The following BCAR1 variants were observed in gnomAD, a reference collection of about 807,000 sequenced individuals.
BCAR1 encodes BCAR1 scaffold protein, Cas family member, also known as breast cancer anti-estrogen resistance protein 1.
BCAR1 carries 30 observed loss-of-function variants against 67.6 expected under a neutral mutation model. That is an observed-to-expected ratio of 0.44 (90% CI 0.33 to 0.60). The LOEUF (loss-of-function observed/expected upper bound fraction) is 0.60. Among genes scored for constraint, BCAR1 ranks in the 20% least tolerant of loss-of-function variants. The pLI, the probability that BCAR1 is intolerant of heterozygous loss-of-function variation, is 0.02. For synonymous variants in BCAR1, 626 were observed against 556.7 expected, an observed-to-expected ratio of 1.12 and a Z score of -1.75; for missense variants, 1,313 against 1,222.3, an observed-to-expected ratio of 1.07 and a Z score of -1.11.
At chr16:75,256,529 C>T (rs886779541), upstream of BCAR1, among the ~76,000 whole-genome samples, 7 of 151,958 alleles carry the variant, frequency 4.6e-5, no homozygotes, top group African/African-American at 1.7e-4. Context: ...GGGGGTGGGG[C>T]CTCCCTGCAC....
At chr16:75,246,388 C>T (rs1301181957) in intron 1 of BCAR1, 3 of 152,234 alleles carry the variant, frequency 2.0e-5, no homozygotes, top group African/African-American at 7.2e-5. Flanking sequence ...TGTAGTGGGA[C>T]AGAAAGACAC....
intron 2 of BCAR1, chr16:75,238,939 G>A (rs967399909): frequency 1.0e-6 from 1 of 985,404 alleles, no homozygotes; most frequent in Non-Finnish European, 1.2e-6. Flanking sequence ...CCCAGCACCA[G>A]CAGGAGGGAT....
rs940042734 is a variant in BCAR1, at chr16:75,237,974, C to A, written c.634-630G>T. 7.4e-5 allele frequency: 90 copies of A among 1,213,698 alleles called. No homozygotes were observed. In the African/African-American group the frequency reaches 1.2e-3, roughly 16 times the overall value. 75.2% of individuals were successfully genotyped at this position (1,213,698 alleles called of 1,614,324 possible). On this transcript the variant is annotated intron_variant, in intron 2 of 6. Transcript: ENST00000162330. The stretch of plus-strand genomic sequence containing the variant: ...GCTGGGACCAAGGCCCCCTCCCTGC[C>A]GCGCCTGCCCCGGGGGAGCTGCCTG...
chr16:75,264,573 GCA>G (rs1476608238), intron 1 of BCAR1: 3 of 1,348,796 alleles, frequency 2.2e-6, no homozygotes, highest in Non-Finnish European at 2.9e-6. Flanking sequence ...GCTCACATCA[GCA>G]CAGTCTGGAA....
intron 1 of BCAR1, among the ~76,000 whole-genome samples, chr16:75,267,470 C>T (rs972600518): frequency 6.6e-6 from 1 of 152,062 alleles, no homozygotes; most frequent in African/African-American, 2.4e-5. Context: ...GGCACGTGGC[C>T]CTGCCCGTGC....
At chr16:75,265,888 G>T in intron 1 of BCAR1, 2 of 1,138,610 alleles carry the variant, frequency 1.8e-6, no homozygotes, top group African/African-American at 1.6e-5. Flanking sequence ...CGGGCTGGGG[G>T]CTCGGGTCCG....
At chr16:75,238,440 G>A (rs1420500422) in intron 2 of BCAR1, 2 of 1,024,014 alleles carry the variant, frequency 2.0e-6, no homozygotes, top group Middle Eastern at 4.8e-4. Context: ...CGCCAAAGCA[G>A]CCCCTCCCCC....
intron 2 of BCAR1, chr16:75,238,821 G>A (rs895454902): frequency 1.5e-5 from 15 of 985,346 alleles, no homozygotes; most frequent in African/African-American, 3.5e-5. Flanking sequence ...CAGGCGGGGC[G>A]GAGGGACGTG....
At chr16:75,230,429 C>G (rs2076864155) in intron 6 of BCAR1, among the ~76,000 whole-genome samples, 1 of 152,220 alleles carries the variant, frequency 6.6e-6, no homozygotes, top group East Asian at 1.9e-4. Flanking sequence ...TCCTGTGAAT[C>G]TATAAATATT....
At chr16:75,250,158 C>G (rs758438653) in intron 1 of BCAR1, 1 of 153,186 alleles carries the variant, frequency 6.5e-6, no homozygotes, top group Non-Finnish European at 1.5e-5. Flanking sequence ...CCTGCCCCAG[C>G]CCAAGGTGAC....
upstream of BCAR1, among the ~76,000 whole-genome samples, chr16:75,255,847 C>T (rs934235361): frequency 2.6e-5 from 4 of 151,544 alleles, no homozygotes; most frequent in Non-Finnish European, 4.4e-5. Flanking sequence ...CAAAATTAGC[C>T]GGGCGTGGTG....
At chr16:75,265,911 A>C (rs1269202996) in intron 1 of BCAR1, 1 of 1,113,588 alleles carries the variant, frequency 9.0e-7, no homozygotes, top group Non-Finnish European at 1.1e-6. Flanking sequence ...CGCGCCGCTC[A>C]GAGGCCCCGC....
chr16:75,236,920 T>TG lies in BCAR1; in HGVS notation c.873dup (p.Ser292GlnfsTer33). The TG allele has an allele frequency of 1.2e-6, 2 of 1,611,790 alleles. No homozygotes were observed. The highest frequency in any genetic ancestry group is 1.7e-6 in the Non-Finnish European group (2 of 1,179,142). Reference sequence around the variant, plus strand: ...GACGGTGGCAGGCCCTTCTCCACACTGGGGGGCACGTCATACACCTCCAGC... The same window carrying TG: ...GACGGTGGCAGGCCCTTCTCCACACTGGGGGGGCACGTCATACACCTCCAGC... On this transcript the variant is annotated frameshift_variant, in exon 4 of 7. Coordinates refer to ENST00000162330, the MANE Select transcript of BCAR1 (RefSeq NM_014567.5). LOFTEE classifies it high-confidence loss of function.
rs777098295 is a variant in BCAR1 at position 75,234,913 on chromosome 16, C to T, written c.1986G>A (p.Glu662=). Residue 662 remains glutamate (E), a synonymous_variant, in exon 5 of 7, where the codon GAG becomes GAA. Coordinates refer to ENST00000162330, the MANE Select transcript of BCAR1 (RefSeq NM_014567.5). ...QYENSEGGWM[E]DYDYVHLQGK... ...CCTGTAGGTGGACGTAGTCATAGTC[C>T]TCCATCCAGCCCCCCTCGCTGTTCT... is the stretch of plus-strand genomic sequence containing the variant. The T allele has an allele frequency of 6.5e-7, 1 of 1,544,696 alleles. No individual in the cohort carries two copies. Among genetic ancestry groups the T allele is most frequent in the Non-Finnish European group, 8.8e-7 (1 of 1,140,804 alleles).
chr16:75,236,121 C>G (rs990478729), intron 4 of BCAR1, 135 bp from the exon 5 acceptor site: 6 of 1,151,780 alleles, frequency 5.2e-6, no homozygotes, highest in African/African-American at 1.6e-5. Flanking sequence ...CGCACACACA[C>G]AGGCACACAT....
At chr16:75,238,004 A>G (rs1024792526) in intron 2 of BCAR1, 1 of 1,280,372 alleles carries the variant, frequency 7.8e-7, no homozygotes, top group Non-Finnish European at 1.0e-6. Flanking sequence ...TGCCTGCAGC[A>G]GGTAAGATCC....
chr16:75,248,613 A>G (rs2059249), intron 1 of BCAR1: 83,111 of 174,490 alleles, frequency 0.48, 22,580 homozygotes, highest in East Asian at 0.82. Context: ...ATACTCCCAC[A>G]ACAACAGGGT....
At chr16:75,267,883 G>T in intron 1 of BCAR1, 1 of 1,580,744 alleles carries the variant, frequency 6.3e-7, no homozygotes. Context: ...TTAGCAGGGA[G>T]AGAGGGGACC....
At chr16:75,251,436 C>T in intron 1 of BCAR1, 35 bp downstream of exon 1, 2 of 1,470,134 alleles carry the variant, frequency 1.4e-6, no homozygotes, top group South Asian at 2.6e-5. Flanking sequence ...CGCCTCCAAG[C>T]CCGTACGCGG....
Sources: gnomAD v4.1 joint callset for allele counts (sites outside exome capture counted in the v4.1 genomes callset) on GRCh38, gnomAD v4.1.1 for gene constraint, MANE v1.5 for transcripts, NCBI Gene and HGNC (gene_info 2026-07-23, HGNC 2026-07-21) for gene names.